KIAA1217: variants seen among roughly 807,000 people sequenced by gnomAD.
KIAA1217 encodes the protein KIAA1217.
A neutral mutation model predicts 163.9 loss-of-function variants in KIAA1217; 88 were observed. The observed-to-expected ratio is 0.54, with a 90% CI of 0.45 to 0.64. The LOEUF is 0.64. Among genes scored for constraint, KIAA1217 ranks in the 30% least tolerant of loss-of-function variants. The pLI, the probability that KIAA1217 is intolerant of heterozygous loss-of-function variation, is 0.00. For synonymous variants in KIAA1217, 903 were observed against 923.1 expected (o/e 0.98, Z 0.39); for missense variants, 2,372 against 2,475.0 (o/e 0.96, Z 0.88).
At chr10:24,305,686 T>A (rs1481568610) in intron 2 of KIAA1217, among the ~76,000 whole-genome samples, 4 of 152,214 alleles carry the variant, frequency 2.6e-5, no homozygotes, top group Non-Finnish European at 5.9e-5. Flanking sequence ...CTTGTAGGAT[T>A]ACAACATCTA....
At chr10:23,871,744 G>A (rs1350761428) in intron 1 of KIAA1217, among the ~76,000 whole-genome samples, 1 of 152,040 alleles carries the variant, frequency 6.6e-6, no homozygotes, top group African/African-American at 2.4e-5. Flanking sequence ...GTCTTTTCAA[G>A]ACTCTAACTG....
At chr10:23,761,271 A>T (rs1235993781) in intron 1 of KIAA1217, among the ~76,000 whole-genome samples, 1 of 151,968 alleles carries the variant, frequency 6.6e-6, no homozygotes, top group Non-Finnish European at 1.5e-5. Context: ...AACAACCCTG[A>T]TCTGTTATTT....
At chr10:24,327,290 C>T (rs1393324800) in intron 2 of KIAA1217, among the ~76,000 whole-genome samples, 1 of 152,030 alleles carries the variant, frequency 6.6e-6, no homozygotes, top group South Asian at 2.1e-4. Flanking sequence ...ACTATGATAC[C>T]CAGCCCAATT....
At chr10:23,919,329 G>C (rs760021347) in intron 1 of KIAA1217, among the ~76,000 whole-genome samples, 3 of 151,824 alleles carry the variant, frequency 2.0e-5, no homozygotes, top group Non-Finnish European at 4.4e-5. Context: ...TCATCGACTG[G>C]GTGCAGTGGG....
rs1478047926 is a variant in KIAA1217, at chr10:24,279,281, T to TG, written c.354+59372_354+59373insG. Among the ~76,000 whole-genome samples, 203 of 152,034 alleles carry TG rather than the reference T, an allele frequency of 1.3e-3. 2 individuals carry two copies. The highest frequency in any genetic ancestry group is 4.4e-3 in the African/African-American group (182 of 41,494). Reference sequence around the variant, plus strand: ...GTGGTGGTGTTTTTGTTTGTTTGTTTTTTTTTTTAAAAAAAGATCTGCAGA... The same window carrying TG: ...GTGGTGGTGTTTTTGTTTGTTTGTTTGTTTTTTTTAAAAAAAGATCTGCAGA... On this transcript the variant is annotated intron_variant, in intron 2 of 20. Coordinates refer to ENST00000376454, the MANE Select transcript of KIAA1217 (RefSeq NM_019590.5).
chr10:24,094,336 T>C (rs2062062809), intron 2 of KIAA1217, among the ~76,000 whole-genome samples: 1 of 152,222 alleles, frequency 6.6e-6, no homozygotes, highest in Non-Finnish European at 1.5e-5. Flanking sequence ...GTATTTCTGC[T>C]CTGTTTTTTC....
At chr10:24,344,601 C>T (rs1310887085) in intron 2 of KIAA1217, among the ~76,000 whole-genome samples, 5 of 152,130 alleles carry the variant, frequency 3.3e-5, no homozygotes, top group Non-Finnish European at 7.3e-5. Flanking sequence ...TTTTTCCCTC[C>T]TGAACTGATT....
At chr10:24,012,903 C>T (rs940814441) in intron 2 of KIAA1217, among the ~76,000 whole-genome samples, 1 of 152,044 alleles carries the variant, frequency 6.6e-6, no homozygotes, top group Non-Finnish European at 1.5e-5. Context: ...CACATCCTAA[C>T]GCATAACATT....
At chr10:24,230,545 A>G (rs2071262292) in intron 2 of KIAA1217, among the ~76,000 whole-genome samples, 2 of 112,948 alleles carry the variant, frequency 1.8e-5, no homozygotes. Flanking sequence ...TCACTCTTTC[A>G]TCCAGGCTGG....
intron 2 of KIAA1217, among the ~76,000 whole-genome samples, chr10:24,038,653 C>G (rs1208987777): frequency 6.6e-6 from 1 of 151,928 alleles, no homozygotes. Context: ...CCAGTAGTTG[C>G]TAGCACCGGC....
chr10:24,267,999 C>G (rs995798664), intron 2 of KIAA1217, among the ~76,000 whole-genome samples: 1 of 152,150 alleles, frequency 6.6e-6, no homozygotes, highest in Non-Finnish European at 1.5e-5. Context: ...TTGTAACTGG[C>G]CCTTTAACTT....
At chr10:23,944,079 T>G (rs1173426631) in intron 1 of KIAA1217, among the ~76,000 whole-genome samples, 1 of 152,134 alleles carries the variant, frequency 6.6e-6, no homozygotes, top group East Asian at 1.9e-4. Flanking sequence ...ATTGACAAAT[T>G]GGACTTTACC....
intron 1 of KIAA1217, among the ~76,000 whole-genome samples, chr10:23,754,530 G>T (rs998949475): frequency 6.6e-6 from 1 of 152,184 alleles, no homozygotes. Context: ...GACGAATATT[G>T]TTGGATCTTC....
At chr10:24,237,665 G>A (rs372583593) in intron 2 of KIAA1217, among the ~76,000 whole-genome samples, 9 of 152,152 alleles carry the variant, frequency 5.9e-5, no homozygotes, top group Non-Finnish European at 1.3e-4. Context: ...AGATTTGACT[G>A]AATCAAGCCT....
intron 2 of KIAA1217, among the ~76,000 whole-genome samples, chr10:24,285,465 G>GGGA (rs1245089122): frequency 6.6e-6 from 1 of 152,022 alleles, no homozygotes; most frequent in Non-Finnish European, 1.5e-5. Context: ...TTCCCCAGCA[G>GGGA]GGAGTCCTTT....
At chr10:24,171,491 A>G (rs1248372797) in intron 2 of KIAA1217, among the ~76,000 whole-genome samples, 1 of 152,256 alleles carries the variant, frequency 6.6e-6, no homozygotes, top group Non-Finnish European at 1.5e-5. Context: ...TTAAAAGTTA[A>G]TATTGTTTTT....
At position 24,101,496 on chromosome 10, in the gene KIAA1217, G is replaced by A. The variant is rs140476873; in HGVS notation, c.-171+94122G>A. Among the ~76,000 whole-genome samples the A allele has an allele frequency of 3.6e-3, 554 of 152,146 alleles. 5 individuals are homozygous for A. Among genetic ancestry groups the A allele is most frequent in the African/African-American group, 0.012 (506 of 41,506 alleles). ...CAGCCCTGGTGGACGCTTAAATCAA[G>A]GATTTGAAAATGATTTTTTAATGTT... On this transcript the variant is annotated intron_variant, in intron 2 of 18. Coordinates refer to the KIAA1217 transcript ENST00000376462.
chr10:24,158,646 A>G (rs1173117863), intron 2 of KIAA1217: 4 of 511,304 alleles, frequency 7.8e-6, no homozygotes, highest in African/African-American at 5.9e-5. Context: ...CTTTAGGTAC[A>G]CTAGCACAAC....
intron 2 of KIAA1217, among the ~76,000 whole-genome samples, chr10:24,304,285 T>C (rs1032291770): frequency 6.6e-6 from 1 of 151,248 alleles, no homozygotes; most frequent in Non-Finnish European, 1.5e-5. Context: ...ACCAACTATA[T>C]CTTATGTTTT....
Sources: gnomAD v4.1 joint callset for allele counts (sites outside exome capture counted in the v4.1 genomes callset) on GRCh38, gnomAD v4.1.1 for gene constraint, MANE v1.5 for transcripts, NCBI Gene and HGNC (gene_info 2026-07-23, HGNC 2026-07-21) for gene names.